The following ABHD5 variants were observed in gnomAD, a reference collection of about 807,000 sequenced individuals.
ABHD5 encodes 1-acylglycerol-3-phosphate O-acyltransferase ABHD5.
Under a neutral mutation model 44.9 loss-of-function variants are expected in ABHD5, and 30 were observed. That is an observed-to-expected ratio of 0.67 (90% CI 0.50 to 0.91). The LOEUF (loss-of-function observed/expected upper bound fraction) is 0.91, where lower values mean the gene tolerates loss of function less well. Ranked by LOEUF, ABHD5 falls within the 40% of genes least tolerant of loss-of-function variation. The pLI is 0.00. For missense variants in ABHD5, 399 were observed against 423.4 expected (o/e 0.94, Z 0.50); for synonymous variants, 167 against 147.0 (o/e 1.14, Z -0.99).
At chr3:43,732,287 C>T (rs562664558) in intron 7 of ABHD5, among the ~76,000 whole-genome samples, 8 of 151,832 alleles carry the variant, frequency 5.3e-5, no homozygotes, top group South Asian at 2.1e-4. Flanking sequence ...AAAAATTAGC[C>T]GGCAGGGTGG....
At chr3:43,718,334 T>G in intron 6 of ABHD5, 109 bp from the exon 7 acceptor site, 1 of 886,720 alleles carries the variant, frequency 1.1e-6, no homozygotes, top group South Asian at 1.3e-5. Context: ...CGTGTTTTAT[T>G]TAAATACAGT....
At chr3:43,692,973 T>C (rs1320735875) in intron 1 of ABHD5, among the ~76,000 whole-genome samples, 1 of 152,222 alleles carries the variant, frequency 6.6e-6, no homozygotes, top group Non-Finnish European at 1.5e-5. Context: ...ATGATTCTTG[T>C]CCTTTGCTTT....
intron 7 of ABHD5, among the ~76,000 whole-genome samples, chr3:43,729,159 G>T (rs1378516533): frequency 6.6e-6 from 1 of 152,186 alleles, no homozygotes; most frequent in African/African-American, 2.4e-5. Context: ...AGAAAGGACT[G>T]GGGTCAAAGG....
At chr3:43,723,797 C>A (rs1051673261), downstream of ABHD5, among the ~76,000 whole-genome samples, 7 of 152,102 alleles carry the variant, frequency 4.6e-5, no homozygotes, top group African/African-American at 7.2e-5. Context: ...ACTTAAAGGA[C>A]CTTGTTTGGA....
At chr3:43,703,485 C>T (rs187330199) in intron 3 of ABHD5, among the ~76,000 whole-genome samples, 9 of 152,148 alleles carry the variant, frequency 5.9e-5, no homozygotes, top group African/African-American at 1.2e-4. Flanking sequence ...AGCCCCTTTA[C>T]GTTATTTTTA....
chr3:43,703,248 C>T (rs1159715016), intron 3 of ABHD5, among the ~76,000 whole-genome samples: 3 of 151,182 alleles, frequency 2.0e-5, no homozygotes, highest in South Asian at 2.1e-4. Flanking sequence ...GACATGATCT[C>T]GGCTCACTGC....
chr3:43,733,725 G>A (rs1269462982), intron 7 of ABHD5, among the ~76,000 whole-genome samples: 1 of 152,112 alleles, frequency 6.6e-6, no homozygotes, highest in South Asian at 2.1e-4. Context: ...GGAGAAAAAC[G>A]TATTTGGGGT....
At position 43,699,440 on chromosome 3, in the gene ABHD5, G is replaced by T. The variant is rs2084512923; in HGVS notation, c.133+79G>T. The T allele has an allele frequency of 7.7e-6, 10 of 1,297,462 alleles. No individual in the cohort carries two copies. The East Asian group carries it at 2.1e-4, about 28-fold the overall frequency. 80.4% of individuals were successfully genotyped at this position (1,297,462 alleles called of 1,614,324 possible). ...ATATCTCATTGCCCTGAAACTGGAG[G>T]TAAGATTCTGTGGTGTGTTCATTGT... On this transcript the variant is annotated intron_variant, in intron 2 of 6. Coordinates refer to ENST00000644371, the MANE Select transcript of ABHD5 (RefSeq NM_016006.6).
At chr3:43,714,081 C>G (rs2084725484) in intron 4 of ABHD5, among the ~76,000 whole-genome samples, 1 of 151,604 alleles carries the variant, frequency 6.6e-6, no homozygotes, top group Non-Finnish European at 1.5e-5. Context: ...TCCTCTTTCC[C>G]TTGTGGGCCT....
rs145548259 is a variant in ABHD5 at position 43,702,326 on chromosome 3, A to T, written c.245A>T (p.His82Leu). ...AATAAGACTCCACTTGTCCTTCTCC[A>T]TGGTTTTGGAGGAGGTCTTGGGCTC... ...ISNKTPLVLL[H>L]GFGGGLGLWA... Residue 82 changes from histidine to leucine, a missense_variant, in exon 3 of 7, where the codon CAT (histidine) becomes CTT (leucine). By Grantham distance (99) the His-to-Leu change is moderately conservative. Transcript: ENST00000644371. 1 of 1,611,434 alleles carries T rather than the reference A, an allele frequency of 6.2e-7. No homozygotes were observed. The highest frequency in any genetic ancestry group is 1.3e-5 in the African/African-American group (1 of 74,860).
chr3:43,702,339 A>G lies in ABHD5; in HGVS notation c.258A>G (p.Gly86=). The change falls in exon 3 of 7, where the codon GGA becomes GGG. Residue 86 remains glycine (G), a synonymous_variant. Coordinates refer to ENST00000644371, the MANE Select transcript of ABHD5 (RefSeq NM_016006.6). ...TTGTCCTTCTCCATGGTTTTGGAGG[A>G]GGTCTTGGGCTCTGGGCACTGAATT... ...TPLVLLHGFG[G]GLGLWALNFG... The G allele has an allele frequency of 1.2e-6, 2 of 1,613,114 alleles. No individual in the cohort carries two copies. Among genetic ancestry groups the G allele is most frequent in the Non-Finnish European group, 1.7e-6 (2 of 1,179,112 alleles).
intron 6 of ABHD5, among the ~76,000 whole-genome samples, chr3:43,718,190 C>T (rs1435377258): frequency 1.3e-5 from 2 of 152,156 alleles, no homozygotes; most frequent in Non-Finnish European, 2.9e-5. Context: ...TCTCTGTTGG[C>T]ACTTTTATTA....
chr3:43,691,374 C>T (rs1404519410), intron 1 of ABHD5: 6 of 204,322 alleles, frequency 2.9e-5, no homozygotes, highest in African/African-American at 1.2e-4. Context: ...GGCGGCCGCA[C>T]CGGCTCGGGC....
intron 3 of ABHD5, among the ~76,000 whole-genome samples, chr3:43,708,123 T>A (rs1232371543): frequency 5.9e-5 from 9 of 152,260 alleles, no homozygotes; most frequent in Non-Finnish European, 1.2e-4. Flanking sequence ...CCAATTCTAA[T>A]GACTAACATT....
downstream of ABHD5, among the ~76,000 whole-genome samples, chr3:43,725,552 A>G (rs1464400174): frequency 6.6e-6 from 1 of 152,224 alleles, no homozygotes; most frequent in Non-Finnish European, 1.5e-5. Context: ...AAAGATTAGA[A>G]GGTTTCCATA....
In ABHD5 at chr3:43,719,749, G is replaced by A. The variant is rs1186527075; in HGVS notation, c.*1217G>A. 1 of 152,160 alleles carries A rather than the reference G, an allele frequency of 6.6e-6. No individual in the cohort carries two copies. The highest frequency in any genetic ancestry group is 1.5e-5 in the Non-Finnish European group (1 of 68,026). 9.4% of individuals were successfully genotyped at this position (152,160 alleles called of 1,614,324 possible). On this transcript the variant is annotated 3_prime_UTR_variant, in exon 7 of 7. Transcript: ENST00000644371. ...ATGCTCCATGTGGTAACTGGCTGCT[G>A]AGAAAACCCTTCACCAAAAAAATAA... is the stretch of plus-strand genomic sequence containing the variant.
intron 5 of ABHD5, among the ~76,000 whole-genome samples, 173 bp downstream of exon 5, chr3:43,715,231 G>C (rs1203339760): frequency 1.3e-5 from 2 of 152,048 alleles, no homozygotes; most frequent in Non-Finnish European, 2.9e-5. Flanking sequence ...TGCGATCTTG[G>C]CTCACCACAA....
Position 43,699,266 on chromosome 3 carries a change from G to A in ABHD5, c.48-10G>A. On this transcript the variant is annotated splice_polypyrimidine_tract_variant and intron_variant, in intron 1 of 6. Coordinates refer to ENST00000644371, the MANE Select transcript of ABHD5 (RefSeq NM_016006.6). ...CTCACCTATTTGTTATTTTGTTTTTGGTGCTCTAGGTCAGGATGGCTAACT... is the reference window on the plus strand; with the variant it reads ...CTCACCTATTTGTTATTTTGTTTTTAGTGCTCTAGGTCAGGATGGCTAACT... 1 of 1,611,958 alleles carries A rather than the reference G, an allele frequency of 6.2e-7. No homozygotes were observed. The highest frequency in any genetic ancestry group is 8.5e-7 in the Non-Finnish European group (1 of 1,178,076).
chr3:43,717,195 A>C lies in ABHD5; in HGVS notation c.774-476A>C, dbSNP rs554216938. ...ATCTCAAAAAAAACAAAAAAAACAAAAAAAAAAAATGAATAGCAGAAGTGA... is the reference window on the plus strand; with the variant it reads ...ATCTCAAAAAAAACAAAAAAAACAACAAAAAAAAATGAATAGCAGAAGTGA... On this transcript the variant is annotated intron_variant, in intron 5 of 6. Coordinates refer to ENST00000644371, the MANE Select transcript of ABHD5 (RefSeq NM_016006.6). Among the ~76,000 whole-genome samples, 112 of 133,818 alleles carry C rather than the reference A, an allele frequency of 8.4e-4. No individual in the cohort carries two copies. The East Asian group carries it at 0.015, about 18-fold the overall frequency. 87.8% of individuals were successfully genotyped at this position (133,818 alleles called of 152,430 possible). A position where few individuals can be genotyped will look rare whatever the true frequency, so the allele number is the denominator to read the frequency against.
Sources: allele counts gnomAD v4.1 joint callset (sites outside exome capture counted in the v4.1 genomes callset), GRCh38; gene constraint gnomAD v4.1.1; transcripts MANE v1.5; gene names NCBI Gene and HGNC (gene_info 2026-07-23, HGNC 2026-07-21).